Variants in LARGE1 observed in about 807,000 individuals in gnomAD.
LARGE1 encodes LARGE xylosyl- and glucuronyltransferase 1, also known as xylosyl- and glucuronyltransferase LARGE1.
In LARGE1, 43 loss-of-function variants were observed where a neutral mutation model predicts 87.6. The ratio of observed to expected loss-of-function variants is 0.49; its 90% CI spans 0.38 to 0.63. The LOEUF (loss-of-function observed/expected upper bound fraction) is 0.63, where lower values mean the gene tolerates loss of function less well. Ranked by LOEUF, LARGE1 falls within the 30% of genes least tolerant of loss-of-function variation. The probability of loss-of-function intolerance (pLI) is 0.00; values close to 1 mark genes in which losing one functional copy is unlikely to be tolerated. For missense variants in LARGE1, 802 were observed against 1,000.2 expected (o/e 0.80, Z 2.67); for synonymous variants, 434 against 394.6 (o/e 1.10, Z -1.18).
intron 11 of LARGE1, among the ~76,000 whole-genome samples, chr22:33,223,939 A>G (rs1398597255): frequency 1.3e-5 from 2 of 152,178 alleles, no homozygotes; most frequent in Non-Finnish European, 2.9e-5. Context: ...GCATCCTCGT[A>G]TGCTCACAGC....
intron 5 of LARGE1, among the ~76,000 whole-genome samples, chr22:33,600,815 G>A (rs754560538): frequency 6.6e-6 from 1 of 152,180 alleles, no homozygotes; most frequent in Non-Finnish European, 1.5e-5. Flanking sequence ...GGGAGACTGA[G>A]GTAGGCAGAT....
chr22:33,858,527 T>C (rs918652148), intron 1 of LARGE1, among the ~76,000 whole-genome samples: 3 of 152,194 alleles, frequency 2.0e-5, no homozygotes, highest in African/African-American at 7.2e-5. Flanking sequence ...CCTCCTGTTT[T>C]TGCCTAATTA....
At chr22:33,452,439 T>C (rs989725900) in intron 6 of LARGE1, among the ~76,000 whole-genome samples, 3 of 152,120 alleles carry the variant, frequency 2.0e-5, no homozygotes, top group Non-Finnish European at 4.4e-5. Flanking sequence ...GTAGAGGTGG[T>C]GGCTTCTCCT....
intron 2 of LARGE1, among the ~76,000 whole-genome samples, chr22:33,724,542 G>C (rs965197467): frequency 6.6e-6 from 1 of 152,188 alleles, no homozygotes; most frequent in African/African-American, 2.4e-5. Context: ...ATTATCTCCA[G>C]ATAGAGAAGG....
At chr22:33,069,546 G>T in the LARGE1 span, among the ~76,000 whole-genome samples, 2 of 152,008 alleles carry the variant, frequency 1.3e-5, no homozygotes, top group African/African-American at 4.8e-5. Context: ...CAATTTCCAG[G>T]ATTTGTTTCC....
intron 2 of LARGE1, among the ~76,000 whole-genome samples, chr22:33,735,065 T>C (rs908609173): frequency 1.3e-5 from 2 of 152,176 alleles, no homozygotes; most frequent in Admixed American, 1.3e-4. Flanking sequence ...ACAAAAGCTC[T>C]CTGCCCTGCC....
Position 33,893,291 on chromosome 22 carries a change from C to T in LARGE1, c.-83+26704G>A, listed in dbSNP as rs902945967. ...ACTGTCCCCCTTCCTCTTCCCACCACCCCAGTAAATCCTGCAGTTCCTCCT... is the reference window on the plus strand; with the variant it reads ...ACTGTCCCCCTTCCTCTTCCCACCATCCCAGTAAATCCTGCAGTTCCTCCT... On this transcript the variant is annotated intron_variant, in intron 1 of 14. Coordinates refer to ENST00000397394, the MANE Select transcript of LARGE1 (RefSeq NM_133642.5). Among the ~76,000 whole-genome samples, 6 of 152,178 alleles carry T rather than the reference C, an allele frequency of 3.9e-5. No individual in the cohort carries two copies. In the East Asian group the frequency reaches 5.8e-4, roughly 15 times the overall value.
chr22:33,462,045 A>T (rs2068403300), intron 6 of LARGE1, among the ~76,000 whole-genome samples: 1 of 152,222 alleles, frequency 6.6e-6, no homozygotes, highest in Non-Finnish European at 1.5e-5. Flanking sequence ...TAAGCCACTA[A>T]GTTTTATGGT....
intron 2 of LARGE1, among the ~76,000 whole-genome samples, chr22:33,719,363 C>T (rs925404509): frequency 1.6e-4 from 25 of 152,226 alleles, no homozygotes; most frequent in South Asian, 6.2e-4. Context: ...AGAAAGTCTA[C>T]GGTAGTACAC....
intron 2 of LARGE1, among the ~76,000 whole-genome samples, chr22:33,700,817 T>G (rs1337514840): frequency 6.6e-6 from 1 of 151,720 alleles, no homozygotes; most frequent in Non-Finnish European, 1.5e-5. Flanking sequence ...CTGGGAAGAG[T>G]GGGTAGCAAT....
At chr22:33,841,015 G>T (rs1174590067) in intron 1 of LARGE1, among the ~76,000 whole-genome samples, 1 of 152,100 alleles carries the variant, frequency 6.6e-6, no homozygotes, top group Admixed American at 6.6e-5. Context: ...TTCATTTTCA[G>T]TACAGTATTT....
intron 11 of LARGE1, among the ~76,000 whole-genome samples, chr22:33,209,784 T>A (rs899230895): frequency 2.6e-5 from 4 of 152,162 alleles, no homozygotes; most frequent in Non-Finnish European, 5.9e-5. Context: ...GAGCTGGGAC[T>A]ACAGGCGTGC....
chr22:33,084,158 A>G, the LARGE1 span, among the ~76,000 whole-genome samples: 4 of 152,178 alleles, frequency 2.6e-5, no homozygotes, highest in Admixed American at 2.6e-4. Flanking sequence ...TTTTAAGATC[A>G]AATTCAGTTA....
chr22:33,651,389 CAAAAAAAAAA>C (rs59002897), intron 2 of LARGE1, among the ~76,000 whole-genome samples: 1 of 54,356 alleles, frequency 1.8e-5, no homozygotes, highest in Admixed American at 2.6e-4. Context: ...GACTCCGTCT[CAAAAAAAAAA>C]AAAAAAAAAA....
intron 6 of LARGE1, among the ~76,000 whole-genome samples, chr22:33,454,114 T>C (rs2068040909): frequency 6.6e-6 from 1 of 152,186 alleles, no homozygotes; most frequent in African/African-American, 2.4e-5. Context: ...GCATCATTGC[T>C]TGCACTGAAC....
intron 11 of LARGE1, among the ~76,000 whole-genome samples, chr22:33,266,071 T>G (rs1413889968): frequency 6.7e-6 from 1 of 149,924 alleles, no homozygotes; most frequent in African/African-American, 2.5e-5. Flanking sequence ...TTTATCTGAA[T>G]CCCTAGGAAA....
At chr22:33,156,754 G>A in the LARGE1 span, among the ~76,000 whole-genome samples, 1 of 152,142 alleles carries the variant, frequency 6.6e-6, no homozygotes, top group South Asian at 2.1e-4. Context: ...GAGATTTGGT[G>A]GGGGCAGGGG....
At chr22:33,319,774 TG>T (rs10708588) in intron 10 of LARGE1, among the ~76,000 whole-genome samples, 7,373 of 152,146 alleles carry the variant, frequency 0.048, 326 homozygotes, top group African/African-American at 0.13. Flanking sequence ...TGGTATTTTG[TG>T]GGGGGCACTT....
chr22:33,514,761 G>A (rs1569229203), intron 6 of LARGE1, among the ~76,000 whole-genome samples: 1 of 152,110 alleles, frequency 6.6e-6, no homozygotes, highest in Non-Finnish European at 1.5e-5. Context: ...GTGGAGGAGA[G>A]ACAATCACGA....
Sources: allele counts gnomAD v4.1 joint callset (sites outside exome capture counted in the v4.1 genomes callset), GRCh38; gene constraint gnomAD v4.1.1; transcripts MANE v1.5; gene names NCBI Gene and HGNC (gene_info 2026-07-23, HGNC 2026-07-21).